Variants in MYRFL observed in about 807,000 individuals in gnomAD.
MYRFL encodes myelin regulatory factor-like protein.
Under a neutral mutation model 109.4 loss-of-function variants are expected in MYRFL, and 88 were observed. That is an observed-to-expected ratio of 0.80 (90% CI 0.68 to 0.96). MYRFL has a LOEUF of 0.96. Ranked by LOEUF, MYRFL falls within the 40% of genes least tolerant of loss-of-function variation. The pLI, the probability that MYRFL is intolerant of heterozygous loss-of-function variation, is 0.00. For missense variants in MYRFL, 957 were observed against 954.9 expected (o/e 1.00, Z -0.03); for synonymous variants, 324 against 320.9 (o/e 1.01, Z -0.10).
At position 69,866,768 on chromosome 12, in the gene MYRFL, T is replaced by C. The variant is rs577108185; in HGVS notation, c.137+11398T>C. 2.6e-5 allele frequency among the ~76,000 whole-genome samples: 4 copies of C among 152,344 alleles called. No homozygotes were observed. The East Asian group carries it at 7.7e-4, about 29-fold the overall frequency. The stretch of plus-strand genomic sequence containing the variant: ...TTAAATATATTAAAACATTGCATTA[T>C]TGGCCTTATGAAAAAGGACCAAATG... On this transcript the variant is annotated intron_variant, in intron 2 of 24. Coordinates refer to ENST00000552032, the MANE Select transcript of MYRFL (RefSeq NM_182530.3).
At position 69,958,510 on chromosome 12, in the gene MYRFL, CT is replaced by C. The variant is rs1412716389; in HGVS notation, c.2714del (p.Phe905SerfsTer39). The C allele has an allele frequency of 1.3e-6, 2 of 1,534,970 alleles. No homozygotes were observed. The highest frequency in any genetic ancestry group is 1.7e-6 in the Non-Finnish European group (2 of 1,146,576). The part of the protein sequence containing the change: ...GIFFTDYFFY[F>X]YRRCA ...TATTCTTCACCGATTACTTCTTTTA[CT>C]TCTATCGACGCTGTGCCTAATTTGT... On this transcript the variant is annotated frameshift_variant, in exon 25 of 25. Coordinates refer to ENST00000552032, the MANE Select transcript of MYRFL (RefSeq NM_182530.3). LOFTEE classifies it high-confidence loss of function.
intron 1 of MYRFL, among the ~76,000 whole-genome samples, chr12:69,854,457 C>T (rs1884148208): frequency 6.6e-6 from 1 of 150,500 alleles, no homozygotes; most frequent in Admixed American, 6.6e-5. Context: ...GATCTCGGCT[C>T]ACTGCAACCT....
At chr12:69,925,617 C>T (rs986045795) in intron 13 of MYRFL, among the ~76,000 whole-genome samples, 1 of 152,010 alleles carries the variant, frequency 6.6e-6, no homozygotes, top group African/African-American at 2.4e-5. Context: ...TAAGAGCTTT[C>T]CAGGCTTTTT....
In MYRFL at chr12:69,958,957, TATGTGGAGGAG is replaced by T; in HGVS notation, c.*433_*443del. Reference sequence around the variant, plus strand: ...AGACTCTTGAGAATGTGTGATATGGTATGTGGAGGAGATGTGGGGGGTGGTATCTGATACTG... The same window carrying T: ...AGACTCTTGAGAATGTGTGATATGGTATGTGGGGGGTGGTATCTGATACTG... On this transcript the variant is annotated 3_prime_UTR_variant, in exon 25 of 25. Transcript: ENST00000552032. The T allele has an allele frequency of 5.7e-6, 1 of 174,076 alleles. No homozygotes were observed. Among genetic ancestry groups the T allele is most frequent in the South Asian group, 1.4e-4 (1 of 7,094 alleles). 10.8% of individuals were successfully genotyped at this position (174,076 alleles called of 1,614,324 possible).
At chr12:69,888,433 T>C (rs2136336755) in intron 6 of MYRFL, among the ~76,000 whole-genome samples, 1 of 152,324 alleles carries the variant, frequency 6.6e-6, no homozygotes, top group Middle Eastern at 3.4e-3. Flanking sequence ...ACAGTTCAGT[T>C]AGGGCATTAA....
chr12:69,910,675 TC>T (rs1954539708), intron 12 of MYRFL, 145 bp from the exon 13 acceptor site: 2 of 332,430 alleles, frequency 6.0e-6, no homozygotes, highest in Non-Finnish European at 1.1e-5. Flanking sequence ...CAGAAAACAC[TC>T]CCACTTTTAA....
chr12:69,936,519 T>G lies in MYRFL; in HGVS notation c.2111T>G (p.Ile704Ser). Residue 704 changes from isoleucine (I) to serine (S), a missense_variant, in exon 19 of 25, where the codon ATC becomes AGC. Physicochemically the swap from Ile to Ser is moderately radical, Grantham distance 142. Coordinates refer to ENST00000552032, the MANE Select transcript of MYRFL (RefSeq NM_182530.3). ...LQVPEITFCE[I>S]LPCQETYCCP... ...GTACCTGAAATTACTTTCTGTGAAA[T>G]CCTGCCGTGTCAGGAGACTTATTGC... is the stretch of plus-strand genomic sequence containing the variant. The G allele has an allele frequency of 6.5e-7, 1 of 1,536,136 alleles. No homozygotes were observed. The highest frequency in any genetic ancestry group is 8.7e-7 in the Non-Finnish European group (1 of 1,146,914).
chr12:69,865,236 G>A (rs1353593755), intron 2 of MYRFL, among the ~76,000 whole-genome samples: 1 of 152,186 alleles, frequency 6.6e-6, no homozygotes, highest in African/African-American at 2.4e-5. Context: ...TTATTTTTAT[G>A]CTTGGGTTCA....
At chr12:69,898,241 G>A (rs1486247849) in intron 10 of MYRFL, among the ~76,000 whole-genome samples, 1 of 152,218 alleles carries the variant, frequency 6.6e-6, no homozygotes, top group Non-Finnish European at 1.5e-5. Context: ...AGGGACCTCT[G>A]TAATTCCTTT....
rs1306845956 is a variant in MYRFL, at chr12:69,879,323, CA to C, written c.337del (p.Ile113SerfsTer29). On this transcript the variant is annotated frameshift_variant, in exon 4 of 25. Coordinates refer to ENST00000552032, the MANE Select transcript of MYRFL (RefSeq NM_182530.3). LOFTEE classifies it high-confidence loss of function. ...QSTSGMGDSC[Q>X]IHGGFHSCHS... Reference sequence around the variant, plus strand: ...CACCTCTGGAATGGGCGACTCCTGCCAAATCCACGGAGGCTTTCACAGCTGC... The same window carrying C: ...CACCTCTGGAATGGGCGACTCCTGCCAATCCACGGAGGCTTTCACAGCTGC... 1 of 702,866 alleles carries C rather than the reference CA, an allele frequency of 1.4e-6. No homozygotes were observed. The highest frequency in any genetic ancestry group is 2.6e-6 in the Non-Finnish European group (1 of 384,840). The allele number at this position is 702,866 out of a possible 1,614,324, so 43.5% of individuals were successfully genotyped here.
intron 13 of MYRFL, among the ~76,000 whole-genome samples, chr12:69,925,863 C>T (rs778071384): frequency 2.0e-5 from 3 of 152,084 alleles, no homozygotes; most frequent in Non-Finnish European, 2.9e-5. Context: ...ATATTGACAC[C>T]TCAATAATTA....
chr12:69,914,060 T>C (rs905492282), intron 13 of MYRFL, among the ~76,000 whole-genome samples: 13 of 152,154 alleles, frequency 8.5e-5, no homozygotes, highest in Admixed American at 6.5e-5. Context: ...TTCGATGTGA[T>C]TGTAAGAGGG....
At chr12:69,891,638 T>TTTCTTTCTTTCTTTCTTTCC (rs1886868816) in intron 7 of MYRFL, among the ~76,000 whole-genome samples, 1 of 4,388 alleles carries the variant, frequency 2.3e-4, no homozygotes, top group African/African-American at 5.9e-4. Context: ...TTCCTTTCTT[T>TTTCTTTCTTTCTTTCTTTCC]TTCTTTCTTT....
At chr12:69,847,161 G>T (rs1051019918) in intron 1 of MYRFL, among the ~76,000 whole-genome samples, 5 of 152,170 alleles carry the variant, frequency 3.3e-5, no homozygotes, top group African/African-American at 9.7e-5. Flanking sequence ...AACTGCTGCA[G>T]TAAGACAAAG....
At chr12:69,880,501 C>T (rs1886009032) in intron 5 of MYRFL, among the ~76,000 whole-genome samples, 1 of 152,148 alleles carries the variant, frequency 6.6e-6, no homozygotes, top group African/African-American at 2.4e-5. Flanking sequence ...TGATGTTTCC[C>T]GTCTCAGGTG....
At chr12:69,856,905 C>A (rs933395019) in intron 2 of MYRFL, among the ~76,000 whole-genome samples, 6 of 151,730 alleles carry the variant, frequency 4.0e-5, no homozygotes, top group African/African-American at 1.5e-4. Context: ...TGATGATGTC[C>A]AATTTATTGA....
chr12:69,893,744 C>T lies in MYRFL; in HGVS notation c.904-20C>T. On this transcript the variant is annotated intron_variant, in intron 7 of 24. Coordinates refer to ENST00000552032, the MANE Select transcript of MYRFL (RefSeq NM_182530.3). ...TTTAATTAATTAATTAATTAGTTTA[C>T]TTTTTGTTGTTTCATACAGGTGGAA... is the stretch of plus-strand genomic sequence containing the variant. The T allele has an allele frequency of 7.4e-7, 1 of 1,356,272 alleles. No homozygotes were observed. The allele number at this position is 1,356,272 out of a possible 1,614,324, so 84.0% of individuals were successfully genotyped here.
chr12:69,920,188 G>A (rs1468951678), intron 13 of MYRFL, among the ~76,000 whole-genome samples: 1 of 152,134 alleles, frequency 6.6e-6, no homozygotes, highest in African/African-American at 2.4e-5. Flanking sequence ...CCTAACCTGA[G>A]TAGAAGCTGG....
intron 13 of MYRFL, among the ~76,000 whole-genome samples, chr12:69,913,444 T>C (rs1433895064): frequency 1.3e-5 from 2 of 152,196 alleles, no homozygotes; most frequent in Admixed American, 6.5e-5. Flanking sequence ...AGGTTTTACA[T>C]TCCTGTTTTT....
Sources: allele counts gnomAD v4.1 joint callset (sites outside exome capture counted in the v4.1 genomes callset), GRCh38; gene constraint gnomAD v4.1.1; transcripts MANE v1.5; gene names NCBI Gene and HGNC (gene_info 2026-07-23, HGNC 2026-07-21).